Variants in HYCC1 observed in about 807,000 individuals in gnomAD.
HYCC1 encodes the protein hyccin PI4KA lipid kinase complex subunit 1.
chr7:22,919,453 C>A, the HYCC1 span, among the ~76,000 whole-genome samples: 2 of 151,534 alleles, frequency 1.3e-5, no homozygotes, highest in African/African-American at 4.9e-5. Flanking sequence ...CACTTGAACC[C>A]GGGAGGCAGA....
At chr7:22,973,653 A>T in the HYCC1 span, among the ~76,000 whole-genome samples, 1 of 152,158 alleles carries the variant, frequency 6.6e-6, no homozygotes, top group East Asian at 1.9e-4. Context: ...AAATTGATCT[A>T]TTTCTACCAA....
At chr7:22,918,581 G>C in the HYCC1 span, among the ~76,000 whole-genome samples, 1 of 152,130 alleles carries the variant, frequency 6.6e-6, no homozygotes, top group African/African-American at 2.4e-5. Flanking sequence ...AAGCCTGCAC[G>C]TATACATCCA....
chr7:22,921,172 G>C, the HYCC1 span, among the ~76,000 whole-genome samples: 1 of 152,156 alleles, frequency 6.6e-6, no homozygotes, highest in African/African-American at 2.4e-5. Context: ...TCTCTTGGCT[G>C]ATTTACAAAG....
At chr7:22,953,741 A>T in the HYCC1 span, among the ~76,000 whole-genome samples, 1 of 151,836 alleles carries the variant, frequency 6.6e-6, no homozygotes, top group Non-Finnish European at 1.5e-5. Flanking sequence ...AATTCACAAA[A>T]TTTTTGGTAA....
At chr7:22,930,841 A>C in the HYCC1 span, among the ~76,000 whole-genome samples, 1 of 152,148 alleles carries the variant, frequency 6.6e-6, no homozygotes, top group Non-Finnish European at 1.5e-5. Context: ...TCAAAAAATA[A>C]ATTAATGTGC....
At chr7:22,941,199 T>A in the HYCC1 span, 1 of 152,134 alleles carries the variant, frequency 6.6e-6, no homozygotes, top group Non-Finnish European at 1.5e-5. Context: ...TTCCTTCATA[T>A]CAAAACTTCT....
chr7:22,971,794 C>G, the HYCC1 span, among the ~76,000 whole-genome samples: 240 of 151,818 alleles, frequency 1.6e-3, no homozygotes, highest in African/African-American at 5.4e-3. Context: ...TAGTAATGAG[C>G]ACTTTTCTGT....
chr7:22,901,056 C>G, the HYCC1 span, among the ~76,000 whole-genome samples: 1 of 151,264 alleles, frequency 6.6e-6, no homozygotes, highest in Non-Finnish European at 1.5e-5. Context: ...CTCATCTCTA[C>G]TAAAAATACA....
the HYCC1 span, chr7:23,014,093 A>G: frequency 4.3e-6 from 2 of 468,816 alleles, no homozygotes; most frequent in Non-Finnish European, 8.8e-6. Context: ...CTGACTGACA[A>G]CCCAGCCGGG....
At chr7:23,006,731 GAAT>G in the HYCC1 span, among the ~76,000 whole-genome samples, 1 of 152,162 alleles carries the variant, frequency 6.6e-6, no homozygotes, top group Non-Finnish European at 1.5e-5. Flanking sequence ...ACAAATGACT[GAAT>G]TCTATGTATT....
chr7:22,915,251 A>G, the HYCC1 span, among the ~76,000 whole-genome samples: 16 of 152,310 alleles, frequency 1.1e-4, no homozygotes, highest in African/African-American at 3.1e-4. Context: ...AAGGTGTACA[A>G]TAATAGAGAA....
At chr7:23,002,152 A>ATATATATACACAAT in the HYCC1 span, among the ~76,000 whole-genome samples, 10 of 23,612 alleles carry the variant, frequency 4.2e-4, no homozygotes, top group African/African-American at 2.4e-3. Context: ...ATATATATAT[A>ATATATATACACAAT]TATATATATA....
At chr7:22,981,519 A>C in the HYCC1 span, among the ~76,000 whole-genome samples, 80 of 152,326 alleles carry the variant, frequency 5.3e-4, no homozygotes, top group African/African-American at 1.9e-3. Flanking sequence ...ATATATCTGA[A>C]AGAGCGAGTG....
the HYCC1 span, chr7:23,013,891 G>A: frequency 8.7e-6 from 4 of 462,086 alleles, no homozygotes; most frequent in African/African-American, 8.0e-5. Flanking sequence ...CGGACGCCCT[G>A]GGGGCCCGGC....
chr7:22,946,267 G>T, the HYCC1 span: 1 of 880,930 alleles, frequency 1.1e-6, no homozygotes, highest in Non-Finnish European at 1.7e-6. Context: ...TTAAGCTTTA[G>T]CATAATTTAT....
chr7:22,953,326 G>A, the HYCC1 span, among the ~76,000 whole-genome samples: 2 of 151,976 alleles, frequency 1.3e-5, no homozygotes, highest in South Asian at 2.1e-4. Flanking sequence ...TCATAAAAAG[G>A]TGGAGAAAGG....
At chr7:22,899,915 A>T in the HYCC1 span, among the ~76,000 whole-genome samples, 1 of 152,066 alleles carries the variant, frequency 6.6e-6, no homozygotes, top group Non-Finnish European at 1.5e-5. Context: ...CTGAAGAGAA[A>T]TTCTGATCTG....
chr7:22,913,969 T>C, the HYCC1 span, among the ~76,000 whole-genome samples: 11 of 152,298 alleles, frequency 7.2e-5, no homozygotes, highest in Non-Finnish European at 1.5e-4. Flanking sequence ...CAATTTCAAA[T>C]TGGGTAAGCA....
At chr7:22,988,604 T>C in the HYCC1 span, among the ~76,000 whole-genome samples, 5 of 152,150 alleles carry the variant, frequency 3.3e-5, no homozygotes, top group East Asian at 5.8e-4. Context: ...CTAGGAGATA[T>C]ATGCATGCAT....
Sources: gnomAD v4.1 joint callset for allele counts (sites outside exome capture counted in the v4.1 genomes callset) on GRCh38, gnomAD v4.1.1 for gene constraint, MANE v1.5 for transcripts, NCBI Gene and HGNC (gene_info 2026-07-23, HGNC 2026-07-21) for gene names.